Variants in MCF2L observed in about 807,000 individuals in gnomAD.
The protein encoded by MCF2L is MCF.2 cell line derived transforming sequence like.
In MCF2L, 97 loss-of-function variants were observed where a neutral mutation model predicts 153.4. The observed-to-expected ratio is 0.63, with a 90% CI of 0.54 to 0.75. MCF2L has a LOEUF of 0.75. Ranked by LOEUF, MCF2L falls within the 30% of genes least tolerant of loss-of-function variation. MCF2L has a pLI of 0.00. For synonymous variants in MCF2L, 659 were observed against 632.2 expected (o/e 1.04, Z -0.64); for missense variants, 1,347 against 1,495.2 (o/e 0.90, Z 1.64).
At position 113,046,641 on chromosome 13, in the gene MCF2L, G is replaced by A. The variant is rs772156449; in HGVS notation, c.369+1280G>A. 3.8e-6 allele frequency: 2 copies of A among 533,180 alleles called. No homozygotes were observed. Among genetic ancestry groups the A allele is most frequent in the Non-Finnish European group, 7.7e-6 (2 of 259,886 alleles). 33.0% of individuals were successfully genotyped at this position (533,180 alleles called of 1,614,324 possible). On this transcript the variant is annotated intron_variant, in intron 4 of 29. Transcript: ENST00000535094. This position sits in a 1 kb window ranked among gnomAD's most constrained non-coding sequence, Gnocchi z 4.4. ...TGCTCCGATGCCCACAACCTTCATC[G>A]TTTTGGTGCAAGCCTGTCCCTGAGC...
chr13:113,076,233 A>G (rs1246923319), intron 12 of MCF2L, 76 bp downstream of exon 12: 1 of 1,030,756 alleles, frequency 9.7e-7, no homozygotes, highest in African/African-American at 1.7e-5. Flanking sequence ...GAAGTTTGAA[A>G]GAATCATTTA....
chr13:113,041,933 G>A (rs2086521060), intron 3 of MCF2L, among the ~76,000 whole-genome samples: 2 of 152,170 alleles, frequency 1.3e-5, no homozygotes, highest in Admixed American at 1.3e-4. Context: ...CGTGCTCACA[G>A]CTATGTGACT....
chr13:113,095,962 G>C, intron 27 of MCF2L: 1 of 435,148 alleles, frequency 2.3e-6, no homozygotes, highest in Non-Finnish European at 3.6e-6. Flanking sequence ...AGGTTGGGCA[G>C]GACAGCTGCA....
Position 113,070,132 on chromosome 13 carries a change from C to A in MCF2L, c.955C>A (p.Gln319Lys), listed in dbSNP as rs746284062. ...FWAKHQQKLE[Q>K]CLQLRHFEQG... The stretch of plus-strand genomic sequence containing the variant: ...GGCAAAGCATCAGCAGAAACTGGAG[C>A]AGTGTCTGCAGCTCCGGCACTTTGA... The change falls in exon 9 of 30, where the codon CAG becomes AAG. Residue 319 changes from glutamine to lysine, a missense_variant. Physicochemically the swap from Gln to Lys is moderately conservative, Grantham distance 53 (BLOSUM62 1). This residue lies in a region of MCF2L where 820 missense variants were observed against 921.2 expected (regional missense o/e 0.89). Coordinates refer to ENST00000535094, the MANE Select transcript of MCF2L (RefSeq NM_001112732.3). The surrounding 1 kb of genome is among the most constrained non-coding windows in gnomAD (Gnocchi z 5.6). 1.2e-6 allele frequency: 2 copies of A among 1,607,610 alleles called. No homozygotes were observed. Among genetic ancestry groups the A allele is most frequent in the Non-Finnish European group, 1.7e-6 (2 of 1,177,796 alleles).
In MCF2L at chr13:113,033,086, G is replaced by A. The variant is rs1428580770; in HGVS notation, c.278+8328G>A. Among the ~76,000 whole-genome samples, 29 of 120,440 alleles carry A rather than the reference G, an allele frequency of 2.4e-4. 1 individual carries two copies. Among genetic ancestry groups the A allele is most frequent in the African/African-American group, 8.3e-4 (27 of 32,420 alleles). The allele number at this position is 120,440 out of a possible 152,430, so 79.0% of individuals were successfully genotyped here. A position where few individuals can be genotyped will look rare whatever the true frequency, so the allele number is the denominator to read the frequency against. ...GGCCCCTGTGACATTAGTGGACCCCGTGGCATGAGTGGCTGCCATGACGTG... is the reference window on the plus strand; with the variant it reads ...GGCCCCTGTGACATTAGTGGACCCCATGGCATGAGTGGCTGCCATGACGTG... On this transcript the variant is annotated intron_variant, in intron 3 of 29. Coordinates refer to ENST00000535094, the MANE Select transcript of MCF2L (RefSeq NM_001112732.3).
intron 1 of MCF2L, among the ~76,000 whole-genome samples, chr13:112,895,970 G>A (rs1348776207): frequency 6.6e-6 from 1 of 152,194 alleles, no homozygotes; most frequent in Admixed American, 6.5e-5. Flanking sequence ...GAAATGAGGG[G>A]GGCCCCTCCC....
At chr13:112,967,372 G>A (rs1394875820), upstream of MCF2L, 1 of 152,166 alleles carries the variant, frequency 6.6e-6, no homozygotes, top group Non-Finnish European at 1.5e-5. Flanking sequence ...CCACTCTGAG[G>A]CCTTTCCAGA....
chr13:112,961,579 CA>C (rs2081826620), intron 2 of MCF2L, among the ~76,000 whole-genome samples: 1 of 152,242 alleles, frequency 6.6e-6, no homozygotes, highest in African/African-American at 2.4e-5. Flanking sequence ...GTCCCAGGCC[CA>C]GGCCAGAGCC....
At chr13:112,923,257 CTTTTTT>C (rs57030206) in intron 2 of MCF2L, among the ~76,000 whole-genome samples, 7 of 78,446 alleles carry the variant, frequency 8.9e-5, no homozygotes, top group South Asian at 6.3e-4. Flanking sequence ...GTGTTTGCTT[CTTTTTT>C]TTTTTTTTTT....
intron 1 of MCF2L, among the ~76,000 whole-genome samples, chr13:113,013,235 T>C (rs1412046254): frequency 2.0e-5 from 3 of 152,232 alleles, no homozygotes; most frequent in Non-Finnish European, 4.4e-5. Flanking sequence ...GCTTTACTGA[T>C]TGACTGTTTC....
chr13:113,000,262 C>T (rs914267668), intron 1 of MCF2L, among the ~76,000 whole-genome samples: 8 of 152,190 alleles, frequency 5.3e-5, no homozygotes, highest in African/African-American at 1.9e-4. Context: ...GGGTACCAGC[C>T]AGCCCTAGGT....
Position 113,089,982 on chromosome 13 carries a change from G to T in MCF2L, c.2953+254G>T, listed in dbSNP as rs572815951. The T allele has an allele frequency of 8.4e-5, 135 of 1,601,550 alleles. 1 individual carries two copies. In the Admixed American group the frequency reaches 2.1e-3, roughly 25 times the overall value. The stretch of plus-strand genomic sequence containing the variant: ...TCGGCCGAGCGTGCAACCCGGAGCC[G>T]CCTTGGGCCCTCCCTGCGACAGCCG... On this transcript the variant is annotated intron_variant, in intron 26 of 29. Transcript: ENST00000535094.
intron 1 of MCF2L, among the ~76,000 whole-genome samples, chr13:112,972,309 GTGGATGGA>G (rs999372140): frequency 7.9e-6 from 1 of 126,410 alleles, no homozygotes. Context: ...GTGTGGGTGG[GTGGATGGA>G]TGGATGGATG....
At position 113,027,887 on chromosome 13, in the gene MCF2L, A is replaced by T. The variant is rs1017532185; in HGVS notation, c.278+3129A>T. Among the ~76,000 whole-genome samples, 1 of 152,160 alleles carries T rather than the reference A, an allele frequency of 6.6e-6. No homozygotes were observed. The highest frequency in any genetic ancestry group is 1.5e-5 in the Non-Finnish European group (1 of 68,012). On this transcript the variant is annotated intron_variant, in intron 3 of 29. Transcript: ENST00000535094. This position sits in a 1 kb window ranked among gnomAD's most constrained non-coding sequence, Gnocchi z 4.8. ...TAGGCTCCAGGTGTGCTGTGGCCAG[A>T]GGGGTGTCCTGGGGAGGGCGGTCAT...
At chr13:112,995,726 C>T (rs927095884) in intron 1 of MCF2L, among the ~76,000 whole-genome samples, 3 of 152,122 alleles carry the variant, frequency 2.0e-5, no homozygotes, top group Admixed American at 6.5e-5. Context: ...TCCACAGGAA[C>T]GGGGGAATGA....
At chr13:113,044,987 C>G in intron 3 of MCF2L, 6 of 1,464,168 alleles carry the variant, frequency 4.1e-6, no homozygotes, top group Non-Finnish European at 5.6e-6. Context: ...TGACTGAGCT[C>G]GGGAGAGATG....
At chr13:112,949,118 C>T (rs967041312) in intron 2 of MCF2L, among the ~76,000 whole-genome samples, 8 of 152,234 alleles carry the variant, frequency 5.3e-5, no homozygotes, top group African/African-American at 1.9e-4. Context: ...AAACTGCAAA[C>T]AACTGTATAC....
intron 1 of MCF2L, among the ~76,000 whole-genome samples, chr13:112,900,721 G>A (rs1225769128): frequency 2.0e-5 from 3 of 152,138 alleles, no homozygotes; most frequent in Non-Finnish European, 4.4e-5. Flanking sequence ...GACCTGGACT[G>A]TGGGTTGGCG....
chr13:113,025,314 G>A lies in MCF2L; in HGVS notation c.278+556G>A, dbSNP rs534122068. On this transcript the variant is annotated intron_variant, in intron 3 of 29. Transcript: ENST00000535094. ...GTCTCCGTGAGGTTTCATCATGGTG[G>A]GGTCCCCGTGACTGTGGGTCGGGGC... 1.2e-4 allele frequency among the ~76,000 whole-genome samples: 10 copies of A among 86,938 alleles called. 1 individual carries two copies. The highest frequency in any genetic ancestry group is 2.3e-4 in the Non-Finnish European group (10 of 43,288). The allele number at this position is 86,938 out of a possible 152,430, so 57.0% of individuals were successfully genotyped here. A position where few individuals can be genotyped will look rare whatever the true frequency, so the allele number is the denominator to read the frequency against.
Sources: gnomAD v4.1 joint callset for allele counts (sites outside exome capture counted in the v4.1 genomes callset) on GRCh38, gnomAD v4.1.1 for gene constraint, gnomAD v4.1.1 regional missense constraint, Gnocchi (gnomAD v3.1) non-coding constraint, MANE v1.5 for transcripts, NCBI Gene and HGNC (gene_info 2026-07-23, HGNC 2026-07-21) for gene names.